The following NDUFA9 variants were observed in gnomAD, a reference collection of about 807,000 sequenced individuals.
NDUFA9 encodes the protein NADH:ubiquinone oxidoreductase subunit A9.
A neutral mutation model predicts 45.9 loss-of-function variants in NDUFA9; 23 were observed. The observed-to-expected ratio is 0.50, with a 90% CI of 0.36 to 0.71. The LOEUF (loss-of-function observed/expected upper bound fraction) is 0.71, where lower values mean the gene tolerates loss of function less well. NDUFA9 is among the 30% of genes least tolerant of loss of function. The pLI is 0.00. For synonymous variants in NDUFA9, 176 were observed against 170.5 expected (o/e 1.03, Z -0.25); for missense variants, 466 against 488.2 (o/e 0.95, Z 0.43).
rs1442080888 is a variant in NDUFA9, at chr12:4,654,830, A to G, written c.226A>G (p.Met76Val). Residue 76 changes from methionine (M) to valine (V), a missense_variant, in exon 3 of 11, where the codon ATG (methionine) becomes GTG (valine). By Grantham distance (21) the Met-to-Val change is conservative. Transcript: ENST00000266544. ...TTCAATCCATTCTCTTTTAGGACGC[A>G]TGGGGTCACAGGTAATCATACCCTA... ...GRYVVNHLGR[M>V]GSQVIIPYRC... The G allele has an allele frequency of 1.9e-6, 3 of 1,611,376 alleles. No individual in the cohort carries two copies. The Admixed American group carries it at 5.1e-5, about 27-fold the overall frequency.
chr12:4,689,134 G>A lies in NDUFA9; in HGVS notation c.*2026G>A, dbSNP rs1284128287. 6.6e-6 allele frequency: 1 copy of A among 152,018 alleles called. No individual in the cohort carries two copies. The highest frequency in any genetic ancestry group is 6.6e-5 in the Admixed American group (1 of 15,264). 9.4% of individuals were successfully genotyped at this position (152,018 alleles called of 1,614,324 possible). A position where few individuals can be genotyped will look rare whatever the true frequency, so the allele number is the denominator to read the frequency against. On this transcript the variant is annotated 3_prime_UTR_variant, in exon 11 of 11. Transcript: ENST00000266544. ...CAAATTACTCTCTTCTAGCTATTTTGAAATGTACAGTAGATTAGTATTAAC... is the reference window on the plus strand; with the variant it reads ...CAAATTACTCTCTTCTAGCTATTTTAAAATGTACAGTAGATTAGTATTAAC...
At chr12:4,682,169 GTGTAA>G (rs1945956663) in intron 8 of NDUFA9, 31 bp from the exon 9 acceptor site, 1 of 1,452,180 alleles carries the variant, frequency 6.9e-7, no homozygotes, top group Non-Finnish European at 9.5e-7. Flanking sequence ...TGTGAGAAGC[GTGTAA>G]TTGAAAGAAC....
intron 6 of NDUFA9, 24 bp downstream of exon 6, chr12:4,662,659 G>A (rs923815707): frequency 1.3e-6 from 2 of 1,558,002 alleles, no homozygotes; most frequent in Non-Finnish European, 1.8e-6. Context: ...CTTAATGGTA[G>A]AAGAGAGGGA....
intron 3 of NDUFA9, among the ~76,000 whole-genome samples, chr12:4,656,486 T>A (rs1945791550): frequency 6.6e-6 from 1 of 152,256 alleles, no homozygotes. Flanking sequence ...CACGTTTGGA[T>A]GACCAAGACC....
At chr12:4,668,389 C>G in intron 6 of NDUFA9, 68 bp from the exon 7 acceptor site, 1 of 1,248,280 alleles carries the variant, frequency 8.0e-7, no homozygotes, top group Non-Finnish European at 1.2e-6. Context: ...TTATGTTAAT[C>G]TTAAGACTGT....
At chr12:4,676,709 AAATGGCCATATTGCCC>A (rs1945922115) in intron 8 of NDUFA9, among the ~76,000 whole-genome samples, 1 of 152,264 alleles carries the variant, frequency 6.6e-6, no homozygotes, top group African/African-American at 2.4e-5. Context: ...AATACAATGA[AAATGGCCATATTGCCC>A]AAAGTAATTT....
intron 10 of NDUFA9, among the ~76,000 whole-genome samples, chr12:4,685,578 T>C (rs550608988): frequency 6.6e-6 from 1 of 152,202 alleles, no homozygotes; most frequent in East Asian, 1.9e-4. Flanking sequence ...AATTGCCTAA[T>C]AGCTCCCCTG....
rs1034306279 is a variant in NDUFA9 at position 4,690,546 on chromosome 12, A to G, written c.*3438A>G. The G allele has an allele frequency of 9.8e-5, 15 of 152,288 alleles. No homozygotes were observed. The highest frequency in any genetic ancestry group is 3.4e-4 in the African/African-American group (14 of 41,524). The allele number at this position is 152,288 out of a possible 1,614,324, so 9.4% of individuals were successfully genotyped here. A position where few individuals can be genotyped will look rare whatever the true frequency, so the allele number is the denominator to read the frequency against. On this transcript the variant is annotated 3_prime_UTR_variant, in exon 11 of 11. Coordinates refer to ENST00000266544, the MANE Select transcript of NDUFA9 (RefSeq NM_005002.5). ...GGTGAAACCCCGTCTCTACTAAAAA[A>G]TACAAAAAATCAGCCAGGCATGGTG...
chr12:4,668,203 A>G (rs1175419321), intron 6 of NDUFA9, among the ~76,000 whole-genome samples: 1 of 152,266 alleles, frequency 6.6e-6, no homozygotes, highest in African/African-American at 2.4e-5. Flanking sequence ...AGCATTGCAG[A>G]GCAGACTAGT....
chr12:4,683,614 T>C (rs999073838), intron 9 of NDUFA9, among the ~76,000 whole-genome samples: 1 of 152,236 alleles, frequency 6.6e-6, no homozygotes, highest in African/African-American at 2.4e-5. Context: ...CTTTGTCTCC[T>C]TTAATACTCA....
intron 7 of NDUFA9, chr12:4,668,744 A>G: frequency 1.9e-6 from 1 of 537,754 alleles, no homozygotes; most frequent in Non-Finnish European, 3.3e-6. Flanking sequence ...TGCTAGACAC[A>G]TCATACATGT....
chr12:4,668,559 T>C, intron 7 of NDUFA9, 35 bp downstream of exon 7: 1 of 1,532,932 alleles, frequency 6.5e-7, no homozygotes, highest in Non-Finnish European at 9.0e-7. Flanking sequence ...AGAAAGGGAT[T>C]TTTGATGAAT....
rs1263692869 is a variant in NDUFA9 at position 4,693,268 on chromosome 12, G to A, written c.*6160G>A. On this transcript the variant is annotated 3_prime_UTR_variant, in exon 11 of 11. Coordinates refer to ENST00000266544, the MANE Select transcript of NDUFA9 (RefSeq NM_005002.5). ...TTTACACTTAGATGAAAACTCCATC[G>A]GACCCCAAATTGTTCTGGTCTTGTT... is the stretch of plus-strand genomic sequence containing the variant. The A allele has an allele frequency of 6.6e-6, 1 of 152,108 alleles. No homozygotes were observed. Among genetic ancestry groups the A allele is most frequent in the Non-Finnish European group, 1.5e-5 (1 of 68,026 alleles). The allele number at this position is 152,108 out of a possible 1,614,324, so 9.4% of individuals were successfully genotyped here.
In NDUFA9 at chr12:4,668,471, G is replaced by C. The variant is rs761882524; in HGVS notation, c.670G>C (p.Gly224Arg). The stretch of plus-strand genomic sequence containing the variant: ...TCTTCCGCTAGGTATGCATCGGTTT[G>C]GTCCTATACCCCTTGGTTCCTTGGG... Reference protein sequence around the residue: ...LNSFASMHRFGPIPLGSLGWK... With the variant: ...LNSFASMHRFRPIPLGSLGWK... The change falls in exon 7 of 11, where the codon GGT (glycine) becomes CGT (arginine). Residue 224 changes from glycine to arginine, a missense_variant. Transcript: ENST00000266544. 7.4e-6 allele frequency: 12 copies of C among 1,613,516 alleles called. No homozygotes were observed. The highest frequency in any genetic ancestry group is 1.7e-5 in the Admixed American group (1 of 60,008).
chr12:4,694,190 C>T lies in NDUFA9; in HGVS notation c.*7082C>T, dbSNP rs1183955269. On this transcript the variant is annotated 3_prime_UTR_variant, in exon 11 of 11. Transcript: ENST00000266544. ...TACATTGTGTCTTAGCGTAGATTCA[C>T]CCGACCTCCTTCCCCAGTTTTGCTT... is the stretch of plus-strand genomic sequence containing the variant. 6.6e-6 allele frequency: 1 copy of T among 152,196 alleles called. No homozygotes were observed. The highest frequency in any genetic ancestry group is 1.5e-5 in the Non-Finnish European group (1 of 68,028). 9.4% of individuals were successfully genotyped at this position (152,196 alleles called of 1,614,324 possible).
At chr12:4,681,425 G>A (rs4147690) in intron 8 of NDUFA9, among the ~76,000 whole-genome samples, 5,882 of 150,042 alleles carry the variant, frequency 0.039, 189 homozygotes, top group East Asian at 0.15. Context: ...ATGTATAAAT[G>A]ACCAAAAATT....
chr12:4,686,897 C>A (rs775108684), intron 10 of NDUFA9, 41 bp from the exon 11 acceptor site: 3 of 1,591,036 alleles, frequency 1.9e-6, no homozygotes, highest in Non-Finnish European at 2.6e-6. Flanking sequence ...TTGTTCTCAG[C>A]CAGTTTTCAG....
At chr12:4,668,697 C>T in intron 7 of NDUFA9, 173 bp downstream of exon 7, 1 of 615,218 alleles carries the variant, frequency 1.6e-6, no homozygotes, top group Non-Finnish European at 2.9e-6. Context: ...TGTGTCTTCA[C>T]TTGTTCATTT....
chr12:4,660,210 C>T (rs1230343942), intron 5 of NDUFA9, among the ~76,000 whole-genome samples: 2 of 152,172 alleles, frequency 1.3e-5, no homozygotes, highest in African/African-American at 4.8e-5. Context: ...ACTGAGGGAG[C>T]TTTTAAAAAT....
Sources: allele counts gnomAD v4.1 joint callset (sites outside exome capture counted in the v4.1 genomes callset), GRCh38; gene constraint gnomAD v4.1.1; transcripts MANE v1.5; gene names NCBI Gene and HGNC (gene_info 2026-07-23, HGNC 2026-07-21).